Variants in ZNF804B observed in about 807,000 individuals in gnomAD.
ZNF804B encodes zinc finger 804B.
In ZNF804B, 80 loss-of-function variants were observed where a neutral mutation model predicts 101.4. The observed-to-expected ratio is 0.79, with a 90% CI of 0.66 to 0.95. The LOEUF is 0.95. ZNF804B is among the 40% of genes least tolerant of loss of function. The probability of loss-of-function intolerance (pLI) is 0.00; values close to 1 mark genes in which losing one functional copy is unlikely to be tolerated. For missense variants in ZNF804B, 1,673 were observed against 1,561.9 expected, an observed-to-expected ratio of 1.07 and a Z score of -1.20; for synonymous variants, 622 against 558.8, an observed-to-expected ratio of 1.11 and a Z score of -1.59.
At chr7:88,854,081 A>G (rs1442597168) in intron 1 of ZNF804B, among the ~76,000 whole-genome samples, 2 of 152,174 alleles carry the variant, frequency 1.3e-5, no homozygotes, top group African/African-American at 2.4e-5. Context: ...TAACATTTTA[A>G]TATCTTGGTA....
At chr7:89,230,592 A>T (rs1018407805) in intron 2 of ZNF804B, among the ~76,000 whole-genome samples, 4 of 152,144 alleles carry the variant, frequency 2.6e-5, no homozygotes, top group Non-Finnish European at 5.9e-5. Context: ...AGATCAACAG[A>T]GCAGAGTAGA....
At chr7:89,064,643 G>T (rs1027727185) in intron 1 of ZNF804B, among the ~76,000 whole-genome samples, 3 of 152,058 alleles carry the variant, frequency 2.0e-5, no homozygotes, top group African/African-American at 4.8e-5. Flanking sequence ...AACCCCTAAG[G>T]TTCCCTTCTG....
intron 1 of ZNF804B, among the ~76,000 whole-genome samples, chr7:88,791,035 T>A (rs1398220268): frequency 2.6e-5 from 4 of 152,110 alleles, no homozygotes; most frequent in Non-Finnish European, 5.9e-5. Flanking sequence ...ACGCTCTTTT[T>A]AATATGTTCA....
intron 1 of ZNF804B, among the ~76,000 whole-genome samples, chr7:89,037,063 C>T (rs544053726): frequency 7.9e-4 from 120 of 152,064 alleles, no homozygotes; most frequent in African/African-American, 2.4e-3. Context: ...CCACATTACA[C>T]GAATGAGACA....
intron 1 of ZNF804B, among the ~76,000 whole-genome samples, chr7:89,001,125 A>G (rs1788281551): frequency 6.7e-6 from 1 of 148,368 alleles, no homozygotes; most frequent in Admixed American, 6.8e-5. Flanking sequence ...TAAGAACTCT[A>G]TTGTACAACA....
intron 1 of ZNF804B, among the ~76,000 whole-genome samples, chr7:88,965,294 A>ATTCTCTCTTTTGT (rs1562845592): frequency 1.3e-5 from 2 of 151,346 alleles, no homozygotes; most frequent in African/African-American, 4.8e-5. Context: ...GGTTAAAGAG[A>ATTCTCTCTTTTGT]TTCTCTCTTT....
In ZNF804B at chr7:89,001,370, A is replaced by T. The variant is rs576063458; in HGVS notation, c.109-216785A>T. On this transcript the variant is annotated intron_variant, in intron 1 of 3. Coordinates refer to ENST00000333190, the MANE Select transcript of ZNF804B (RefSeq NM_181646.5). ...TTTCCTTTCCTTTTCTTTTTTTTTT[A>T]AAAGCTAAATGAAAGATTTTATTAG... is the stretch of plus-strand genomic sequence containing the variant. 2.6e-4 allele frequency among the ~76,000 whole-genome samples: 39 copies of T among 150,198 alleles called. 1 individual carries two copies. In the South Asian group the frequency reaches 3.2e-3, roughly 12 times the overall value.
intron 1 of ZNF804B, among the ~76,000 whole-genome samples, chr7:88,817,360 C>T (rs1055336297): frequency 4.6e-5 from 7 of 151,934 alleles, no homozygotes; most frequent in African/African-American, 9.7e-5. Flanking sequence ...TGCACATGTA[C>T]GCTAGAACTT....
chr7:88,971,299 C>T (rs925008083), intron 1 of ZNF804B, among the ~76,000 whole-genome samples: 1 of 151,582 alleles, frequency 6.6e-6, no homozygotes, highest in African/African-American at 2.4e-5. Context: ...AGCATATGGA[C>T]ATTTATTCCT....
chr7:89,324,012 C>T (rs568853468), intron 2 of ZNF804B, among the ~76,000 whole-genome samples: 27 of 151,976 alleles, frequency 1.8e-4, no homozygotes, highest in Non-Finnish European at 3.1e-4. Flanking sequence ...AAAATTTGGC[C>T]TCTGGATTCT....
chr7:89,182,488 C>T (rs1188495574), intron 1 of ZNF804B, among the ~76,000 whole-genome samples: 2 of 152,096 alleles, frequency 1.3e-5, no homozygotes, highest in South Asian at 2.1e-4. Flanking sequence ...TGCTGTTGAC[C>T]AACACTCTTG....
chr7:88,950,835 A>G (rs1793207522), intron 1 of ZNF804B, among the ~76,000 whole-genome samples: 1 of 151,870 alleles, frequency 6.6e-6, no homozygotes, highest in African/African-American at 2.4e-5. Flanking sequence ...TAAATACTCC[A>G]TATATAGTTT....
chr7:88,858,858 T>A (rs898678324), intron 1 of ZNF804B, among the ~76,000 whole-genome samples: 2 of 152,096 alleles, frequency 1.3e-5, no homozygotes. Context: ...GATGCCAATA[T>A]TTTCTGACTT....
intron 2 of ZNF804B, among the ~76,000 whole-genome samples, chr7:89,271,737 C>T (rs1340380997): frequency 6.6e-6 from 1 of 152,122 alleles, no homozygotes; most frequent in Non-Finnish European, 1.5e-5. Context: ...ATTATTGCCT[C>T]AATTTCAGAG....
At chr7:89,241,574 A>G (rs1156583531) in intron 2 of ZNF804B, among the ~76,000 whole-genome samples, 3 of 152,118 alleles carry the variant, frequency 2.0e-5, no homozygotes, top group Non-Finnish European at 4.4e-5. Context: ...ATACTATTGT[A>G]CCTAGTTAAA....
intron 1 of ZNF804B, among the ~76,000 whole-genome samples, chr7:88,785,104 A>T (rs1790281070): frequency 6.6e-6 from 1 of 152,112 alleles, no homozygotes; most frequent in Non-Finnish European, 1.5e-5. Flanking sequence ...GAAATACATC[A>T]AACTCTGTAT....
intron 2 of ZNF804B, among the ~76,000 whole-genome samples, chr7:89,269,005 T>G (rs768139686): frequency 1.3e-4 from 20 of 152,118 alleles, no homozygotes; most frequent in Admixed American, 6.6e-4. Context: ...CCTAGATTGT[T>G]CTTTTTTATT....
At chr7:89,229,637 G>T (rs1789157456) in intron 2 of ZNF804B, among the ~76,000 whole-genome samples, 1 of 152,186 alleles carries the variant, frequency 6.6e-6, no homozygotes, top group Admixed American at 6.5e-5. Flanking sequence ...ATACCTGTTT[G>T]TCAGTAACTG....
At chr7:89,331,452 A>T (rs937837131) in intron 3 of ZNF804B, among the ~76,000 whole-genome samples, 49 of 151,884 alleles carry the variant, frequency 3.2e-4, no homozygotes, top group Admixed American at 1.7e-3. Flanking sequence ...TCAAAAATTT[A>T]CTCAATAAAA....
Sources: allele counts gnomAD v4.1 joint callset (sites outside exome capture counted in the v4.1 genomes callset), GRCh38; gene constraint gnomAD v4.1.1; transcripts MANE v1.5; gene names NCBI Gene and HGNC (gene_info 2026-07-23, HGNC 2026-07-21).